The following LRRC59 variants were observed in gnomAD, a reference collection of about 807,000 sequenced individuals.
The protein encoded by LRRC59 is leucine rich repeat containing 59, also known as leucine-rich repeat-containing protein 59.
In LRRC59, 18 loss-of-function variants were observed where a neutral mutation model predicts 33.5. The ratio of observed to expected loss-of-function variants is 0.54; its 90% CI spans 0.37 to 0.80. LRRC59 has a LOEUF of 0.80. LRRC59 is among the 30% of genes least tolerant of loss of function. LRRC59 has a pLI of 0.00. For missense variants in LRRC59, 330 were observed against 391.9 expected (o/e 0.84, Z 1.33); for synonymous variants, 138 against 160.0 (o/e 0.86, Z 1.04).
intron 1 of LRRC59, 37 bp from the exon 2 acceptor site, chr17:50,395,025 A>G (rs1461225593): frequency 1.6e-5 from 22 of 1,401,746 alleles, no homozygotes; most frequent in Non-Finnish European, 2.2e-5. Context: ...TGTCAGACCA[A>G]CATCTGGAAC....
Position 50,397,469 on chromosome 17 carries a change from C to A in LRRC59, c.-152G>T, listed in dbSNP as rs543330812. ...CGAGACCGCCTCCGCCCGCTGGCCG[C>A]ACTCCGAGCCTCGCGCCTAGCTCCC... On this transcript the variant is annotated 5_prime_UTR_variant, in exon 1 of 7. Transcript: ENST00000225972. 3.8e-6 allele frequency: 2 copies of A among 533,316 alleles called. No individual in the cohort carries two copies. The highest frequency in any genetic ancestry group is 2.0e-5 in the African/African-American group (1 of 49,906). 33.0% of individuals were successfully genotyped at this position (533,316 alleles called of 1,614,324 possible).
rs1332528104 is a variant in LRRC59 at position 50,394,789 on chromosome 17, C to G, written c.165+140G>C. On this transcript the variant is annotated intron_variant, in intron 2 of 6. Coordinates refer to ENST00000225972, the MANE Select transcript of LRRC59 (RefSeq NM_018509.4). The stretch of plus-strand genomic sequence containing the variant: ...TTCCACTGTGCCTCCCCTACACACT[C>G]AGATTTAGCTATAGCCTGCCTGTAG... The G allele has an allele frequency of 6.8e-6, 4 of 590,426 alleles. No individual in the cohort carries two copies. The East Asian group carries it at 1.2e-4, about 17-fold the overall frequency. 36.6% of individuals were successfully genotyped at this position (590,426 alleles called of 1,614,324 possible).
In LRRC59 at chr17:50,393,282, T is replaced by TA. The variant is rs371727808; in HGVS notation, c.166-386_166-385insT. ...TACCAAGATATGTATGGAAAAGGGCTTAGCACAAAGTAGGCACAAAACACT... is the reference window on the plus strand; with the variant it reads ...TACCAAGATATGTATGGAAAAGGGCTATAGCACAAAGTAGGCACAAAACACT... On this transcript the variant is annotated intron_variant, in intron 2 of 6. Transcript: ENST00000225972. Among the ~76,000 whole-genome samples the TA allele has an allele frequency of 2.6e-3, 389 of 152,340 alleles. 1 individual carries two copies. Among genetic ancestry groups the TA allele is most frequent in the African/African-American group, 8.7e-3 (363 of 41,574 alleles).
chr17:50,394,710 C>T (rs1422087987), intron 2 of LRRC59, among the ~76,000 whole-genome samples: 1 of 152,210 alleles, frequency 6.6e-6, no homozygotes, highest in Non-Finnish European at 1.5e-5. Context: ...TACCACTGTT[C>T]TGAAGAATGA....
chr17:50,382,904 T>C lies in LRRC59; in HGVS notation c.*84A>G. On this transcript the variant is annotated 3_prime_UTR_variant, in exon 7 of 7. Coordinates refer to ENST00000225972, the MANE Select transcript of LRRC59 (RefSeq NM_018509.4). ...TGATGATGGCAGGTAGGTCTGATGC[T>C]AAAAAGAGGTTGTGTCCAGCAGAAC... 2 of 1,531,730 alleles carry C rather than the reference T, an allele frequency of 1.3e-6. No homozygotes were observed. Among genetic ancestry groups the C allele is most frequent in the Non-Finnish European group, 1.8e-6 (2 of 1,133,838 alleles). The allele number at this position is 1,531,730 out of a possible 1,614,324, so 94.9% of individuals were successfully genotyped here. A position where few individuals can be genotyped will look rare whatever the true frequency, so the allele number is the denominator to read the frequency against.
In LRRC59 at chr17:50,385,262, G is replaced by A. The variant is rs1163141995; in HGVS notation, c.532C>T (p.Arg178Ter). The change falls in exon 6 of 7, where the codon CGA (arginine) becomes TGA (stop). Residue 178 changes from arginine (R) to a stop codon, truncating the protein, a stop_gained. Transcript: ENST00000225972. LOFTEE classifies it high-confidence loss of function. ...TCCCGCTCCTGAGCTTCCTTAGCTCGCTGCTTAGCCTCACGCTTCTTCTCT... is the reference window on the plus strand; with the variant it reads ...TCCCGCTCCTGAGCTTCCTTAGCTCACTGCTTAGCCTCACGCTTCTTCTCT... The part of the protein sequence containing the change: ...EAEKKREAKQ[R>*]AKEAQERELR... 3.7e-6 allele frequency: 6 copies of A among 1,613,712 alleles called. No homozygotes were observed. Among genetic ancestry groups the A allele is most frequent in the African/African-American group, 1.3e-5 (1 of 74,858 alleles).
chr17:50,383,017 A>C lies in LRRC59; in HGVS notation c.895T>G (p.Trp299Gly). The C allele has an allele frequency of 6.2e-7, 1 of 1,612,964 alleles. No homozygotes were observed. The highest frequency in any genetic ancestry group is 1.7e-5 in the Admixed American group (1 of 60,024). Residue 299 changes from tryptophan to glycine, a missense_variant, in exon 7 of 7, where the codon TGG (tryptophan) becomes GGG (glycine). Coordinates refer to ENST00000225972, the MANE Select transcript of LRRC59 (RefSeq NM_018509.4). Reference protein sequence around the residue: ...QGLRRHEILQWVLQTDSQQ With the variant: ...QGLRRHEILQGVLQTDSQQ ...TGCTGAGAGTCGGTCTGGAGGACCC[A>C]CTGGAGGATCTCATGGCGGCGTAGA...
chr17:50,387,927 C>T, intron 5 of LRRC59, 133 bp downstream of exon 5: 1 of 846,220 alleles, frequency 1.2e-6, no homozygotes, highest in South Asian at 1.5e-5. Flanking sequence ...TACCATCCAC[C>T]ACAATACTGT....
At chr17:50,385,679 A>G (rs1233936626) in intron 5 of LRRC59, among the ~76,000 whole-genome samples, 1 of 152,214 alleles carries the variant, frequency 6.6e-6, no homozygotes, top group African/African-American at 2.4e-5. Flanking sequence ...GCAGTTTTCT[A>G]TGGGACTCCT....
intron 2 of LRRC59, 26 bp from the exon 3 acceptor site, chr17:50,392,923 C>T (rs1394973700): frequency 6.2e-7 from 1 of 1,603,644 alleles, no homozygotes; most frequent in African/African-American, 1.3e-5. Flanking sequence ...AGAACCTAAG[C>T]TAGGCTTGTC....
Position 50,392,984 on chromosome 17 carries a change from C to A in LRRC59, c.166-87G>T, listed in dbSNP as rs772664415. The A allele has an allele frequency of 1.5e-5, 20 of 1,309,292 alleles. 1 individual carries two copies. The highest frequency in any genetic ancestry group is 9.4e-5 in the East Asian group (4 of 42,762). 81.1% of individuals were successfully genotyped at this position (1,309,292 alleles called of 1,614,324 possible). ...AATGTGGCCCAATACAAATTTGTAA[C>A]CTTTCTTAAAACATTACGAGATTTT... On this transcript the variant is annotated intron_variant, in intron 2 of 6. Coordinates refer to ENST00000225972, the MANE Select transcript of LRRC59 (RefSeq NM_018509.4).
chr17:50,393,299 CA>C (rs1914194238), intron 2 of LRRC59, among the ~76,000 whole-genome samples: 1 of 152,326 alleles, frequency 6.6e-6, no homozygotes, highest in African/African-American at 2.4e-5. Context: ...AAAGTAGGCA[CA>C]AAACACTATT....
intron 5 of LRRC59, among the ~76,000 whole-genome samples, chr17:50,385,695 C>T (rs1913984563): frequency 1.3e-5 from 2 of 152,168 alleles, no homozygotes; most frequent in Non-Finnish European, 2.9e-5. Context: ...CTCCTATCTT[C>T]CCAAGCTTCA....
chr17:50,388,493 G>A (rs557971756), intron 4 of LRRC59, among the ~76,000 whole-genome samples: 1 of 152,226 alleles, frequency 6.6e-6, no homozygotes, highest in East Asian at 1.9e-4. Flanking sequence ...GTGAGCTGTG[G>A]TCACGCCATG....
chr17:50,397,278 T>C lies in LRRC59; in HGVS notation c.40A>G (p.Lys14Glu). ...AGGTCCAGTTCGTTGCCGTCCAGCT[T>C]GTCGCGGAGGTTCCCGCCCTTGCTA... ...AGSKGGNLRD[K>E]LDGNELDLSL... Residue 14 changes from lysine (K) to glutamate (E), a missense_variant, in exon 1 of 7, where the codon AAG (lysine) becomes GAG (glutamate). Lys to Glu is a moderately conservative substitution (Grantham distance 56). Coordinates refer to ENST00000225972, the MANE Select transcript of LRRC59 (RefSeq NM_018509.4). The C allele has an allele frequency of 6.2e-7, 1 of 1,610,088 alleles. No homozygotes were observed. Among genetic ancestry groups the C allele is most frequent in the Non-Finnish European group, 8.5e-7 (1 of 1,178,484 alleles).
rs1361658850 is a variant in LRRC59 at position 50,392,807 on chromosome 17, TGAC to T, written c.253_255del (p.Val85del). The T allele has an allele frequency of 1.2e-6, 2 of 1,614,178 alleles. No homozygotes were observed. Among genetic ancestry groups the T allele is most frequent in the Non-Finnish European group, 1.7e-6 (2 of 1,180,020 alleles). ...TTGAGGAGATCCAGGTGCTGGAGGT[TGAC>T]CAGACGGCCAAAGTCTGCTGGCAGC... On this transcript the variant is annotated inframe_deletion, in exon 3 of 7. Transcript: ENST00000225972.
chr17:50,384,179 A>G (rs1006479605), intron 6 of LRRC59, among the ~76,000 whole-genome samples: 11 of 151,982 alleles, frequency 7.2e-5, no homozygotes, highest in Admixed American at 3.9e-4. Context: ...TTTCTATACA[A>G]TGTGGCTCCC....
intron 4 of LRRC59, among the ~76,000 whole-genome samples, chr17:50,390,866 C>T (rs1914129142): frequency 6.6e-6 from 1 of 152,264 alleles, no homozygotes; most frequent in Non-Finnish European, 1.5e-5. Flanking sequence ...TTAGTTACCA[C>T]ATCCACTATG....
chr17:50,384,464 G>A (rs951790083), intron 6 of LRRC59, among the ~76,000 whole-genome samples: 1 of 152,110 alleles, frequency 6.6e-6, no homozygotes, highest in Non-Finnish European at 1.5e-5. Flanking sequence ...TTTACTGTAA[G>A]GCACTTTTAA....
Sources: gnomAD v4.1 joint callset for allele counts (sites outside exome capture counted in the v4.1 genomes callset) on GRCh38, gnomAD v4.1.1 for gene constraint, MANE v1.5 for transcripts, NCBI Gene and HGNC (gene_info 2026-07-23, HGNC 2026-07-21) for gene names.